The following TMEM59 variants were observed in gnomAD, a reference collection of about 807,000 sequenced individuals.
The protein encoded by TMEM59 is transmembrane protein 59.
A neutral mutation model predicts 42.2 loss-of-function variants in TMEM59; 44 were observed. That is an observed-to-expected ratio of 1.04 (90% confidence interval 0.82 to 1.34). TMEM59 has a LOEUF of 1.34. TMEM59 is among the 40% of genes most tolerant of loss of function. The pLI is 0.00. For missense variants in TMEM59, 359 were observed against 382.8 expected (o/e 0.94, Z 0.52); for synonymous variants, 148 against 145.8 (o/e 1.02, Z -0.11).
chr1:54,045,581 C>T, intron 3 of TMEM59, 111 bp downstream of exon 3: 1 of 1,086,822 alleles, frequency 9.2e-7, no homozygotes. Context: ...TGCTGAAAGC[C>T]AAATATAAAA....
rs1656770392 is a variant in TMEM59, at chr1:54,031,672, A to G, written c.*478T>C. ...AAATCAGATACTCAAATTTCAGCACATAATTATTCAAATAAAATTTTAATG... is the reference window on the plus strand; with the variant it reads ...AAATCAGATACTCAAATTTCAGCACGTAATTATTCAAATAAAATTTTAATG... On this transcript the variant is annotated 3_prime_UTR_variant, in exon 8 of 8. Coordinates refer to ENST00000234831, the MANE Select transcript of TMEM59 (RefSeq NM_004872.5). The G allele has an allele frequency of 6.5e-6, 1 of 152,764 alleles. No individual in the cohort carries two copies. 9.5% of individuals were successfully genotyped at this position (152,764 alleles called of 1,614,324 possible).
upstream of TMEM59, chr1:54,053,267 C>G: frequency 6.5e-7 from 1 of 1,530,354 alleles, no homozygotes; most frequent in Non-Finnish European, 8.8e-7. Flanking sequence ...GGGCCAGCCC[C>G]CTTCTCCGCC....
rs1313700715 is a variant in TMEM59, at chr1:54,029,524, G to A, written c.*2626C>T. ...ATTATGACTGTTTTATGGAAACAAG[G>A]AGCTAAGTAAAGTTAGGCACATCCA... On this transcript the variant is annotated 3_prime_UTR_variant, in exon 8 of 8. Coordinates refer to ENST00000234831, the MANE Select transcript of TMEM59 (RefSeq NM_004872.5). The A allele has an allele frequency of 1.3e-5, 2 of 152,138 alleles. No individual in the cohort carries two copies. The highest frequency in any genetic ancestry group is 2.9e-5 in the Non-Finnish European group (2 of 68,034). The allele number at this position is 152,138 out of a possible 1,614,324, so 9.4% of individuals were successfully genotyped here. A position where few individuals can be genotyped will look rare whatever the true frequency, so the allele number is the denominator to read the frequency against.
intron 1 of TMEM59, among the ~76,000 whole-genome samples, chr1:54,049,505 T>C (rs1657457319): frequency 6.6e-6 from 1 of 152,212 alleles, no homozygotes; most frequent in African/African-American, 2.4e-5. Flanking sequence ...CATATCTTTA[T>C]TCTAAGTATT....
chr1:54,043,405 G>A lies in TMEM59; in HGVS notation c.511C>T (p.Gln171Ter). The A allele has an allele frequency of 6.4e-7, 1 of 1,557,596 alleles. No homozygotes were observed. The highest frequency in any genetic ancestry group is 8.7e-7 in the Non-Finnish European group (1 of 1,154,542). ...ATAACTATTTTTCCGTCATCGGCTT[G>A]AAGATAAAAAGTCCATGAAGAGGTT... ...FITSSWTFYLQADDGKIVIFQ... is the reference protein window; with the variant it reads ...FITSSWTFYL The change falls in exon 4 of 8, where the codon CAA becomes TAA. Residue 171 changes from glutamine to a stop codon, truncating the protein, a stop_gained. Transcript: ENST00000234831. LOFTEE classifies it high-confidence loss of function.
Position 54,047,943 on chromosome 1 carries a change from G to A in TMEM59, c.190-571C>T, listed in dbSNP as rs190639256. 3 of 152,712 alleles carry A rather than the reference G, an allele frequency of 2.0e-5. No individual in the cohort carries two copies. In the East Asian group the frequency reaches 5.8e-4, roughly 29 times the overall value. 9.5% of individuals were successfully genotyped at this position (152,712 alleles called of 1,614,324 possible). Reference sequence around the variant, plus strand: ...TAATCACACCACTGTACTCCAGCTTGGGGTACAAAGTGAGACCCTGTTGCT... The same window carrying A: ...TAATCACACCACTGTACTCCAGCTTAGGGTACAAAGTGAGACCCTGTTGCT... On this transcript the variant is annotated intron_variant, in intron 1 of 7. Coordinates refer to ENST00000234831, the MANE Select transcript of TMEM59 (RefSeq NM_004872.5).
chr1:54,040,890 C>A, intron 5 of TMEM59, 53 bp from the exon 6 acceptor site: 1 of 1,371,836 alleles, frequency 7.3e-7, no homozygotes, highest in South Asian at 1.2e-5. Flanking sequence ...AAAAGCTAGT[C>A]TCACATGACT....
intron 7 of TMEM59, chr1:54,033,587 G>A (rs1386428394): frequency 1.5e-5 from 2 of 134,746 alleles, no homozygotes; most frequent in Non-Finnish European, 3.1e-5. Flanking sequence ...GGGGGACAGA[G>A]TGAGACTCTG....
Position 54,053,086 on chromosome 1 carries a change from C to A in TMEM59, c.103G>T (p.Ala35Ser), listed in dbSNP as rs1454740811. The A allele has an allele frequency of 6.2e-7, 1 of 1,614,266 alleles. No homozygotes were observed. Among genetic ancestry groups the A allele is most frequent in the Admixed American group, 1.7e-5 (1 of 60,034 alleles). ...ALAGGSGTAS[A>S]EAFDSVLGDT... The stretch of plus-strand genomic sequence containing the variant: ...CCCAAGACCGAGTCAAATGCTTCAG[C>A]CGAAGCGGTCCCCGAACCTCCGGCC... The change falls in exon 1 of 8, where the codon GCT becomes TCT. Residue 35 changes from alanine (A) to serine (S), a missense_variant. Physicochemically the swap from Ala to Ser is moderately conservative, Grantham distance 99. Coordinates refer to ENST00000234831, the MANE Select transcript of TMEM59 (RefSeq NM_004872.5).
rs1656619503 is a variant in TMEM59 at position 54,026,985 on chromosome 1, T to C, written c.*5165A>G. On this transcript the variant is annotated 3_prime_UTR_variant, in exon 8 of 8. Transcript: ENST00000234831. ...AAAACAAAATAATTTACTCTTAAAA[T>C]GACAAAAGTAAAATTAAGACAACCT... 1 of 152,194 alleles carries C rather than the reference T, an allele frequency of 6.6e-6. No homozygotes were observed. Among genetic ancestry groups the C allele is most frequent in the Non-Finnish European group, 1.5e-5 (1 of 68,022 alleles). The allele number at this position is 152,194 out of a possible 1,614,324, so 9.4% of individuals were successfully genotyped here.
rs566596613 is a variant in TMEM59 at position 54,041,600 on chromosome 1, A to G, written c.625+124T>C. ...AAACTGTAATACACATGAAAGTTTGAGAACCACTGTTTTAGAAATTATCTG... is the reference window on the plus strand; with the variant it reads ...AAACTGTAATACACATGAAAGTTTGGGAACCACTGTTTTAGAAATTATCTG... On this transcript the variant is annotated intron_variant, in intron 5 of 7. Transcript: ENST00000234831. 1,034 of 730,056 alleles carry G rather than the reference A, an allele frequency of 1.4e-3. 3 individuals are homozygous for G. Among genetic ancestry groups the G allele is most frequent in the Middle Eastern group, 2.0e-3 (5 of 2,534 alleles). 45.2% of individuals were successfully genotyped at this position (730,056 alleles called of 1,614,324 possible). A position where few individuals can be genotyped will look rare whatever the true frequency, so the allele number is the denominator to read the frequency against.
chr1:54,035,499 G>A (rs1467748114), intron 7 of TMEM59, among the ~76,000 whole-genome samples: 1 of 152,098 alleles, frequency 6.6e-6, no homozygotes, highest in East Asian at 1.9e-4. Context: ...TACCTTAACA[G>A]TTATATTTTT....
chr1:54,047,654 A>T (rs1449876622), intron 1 of TMEM59: 2 of 349,996 alleles, frequency 5.7e-6, no homozygotes, highest in South Asian at 3.0e-5. Flanking sequence ...GGGGGGAAAA[A>T]TTAAAAATAA....
intron 2 of TMEM59, among the ~76,000 whole-genome samples, chr1:54,046,830 GC>G (rs1469228963): frequency 6.6e-6 from 1 of 152,204 alleles, no homozygotes; most frequent in Non-Finnish European, 1.5e-5. Context: ...AAAGCCTCTG[GC>G]TACTTATTTT....
upstream of TMEM59, chr1:54,053,239 G>A: frequency 6.3e-7 from 1 of 1,595,186 alleles, no homozygotes; most frequent in South Asian, 1.1e-5. Flanking sequence ...TTCTCGGAAG[G>A]GTTTCCTCCT....
Position 54,027,351 on chromosome 1 carries a change from T to C in TMEM59, c.*4799A>G, listed in dbSNP as rs745779529. 1.3e-5 allele frequency: 2 copies of C among 152,236 alleles called. No individual in the cohort carries two copies. Among genetic ancestry groups the C allele is most frequent in the Non-Finnish European group, 2.9e-5 (2 of 68,048 alleles). 9.4% of individuals were successfully genotyped at this position (152,236 alleles called of 1,614,324 possible). ...TTCCTTTGCGATCCTTTATATTTAG[T>C]TTTATGCTTTGAAAACATTACTATG... On this transcript the variant is annotated 3_prime_UTR_variant, in exon 8 of 8. Transcript: ENST00000234831.
At chr1:54,044,888 T>A (rs749846775) in intron 3 of TMEM59, 1 of 152,230 alleles carries the variant, frequency 6.6e-6, no homozygotes, top group Non-Finnish European at 1.5e-5. Context: ...AAAATATATG[T>A]GTACATCCTT....
chr1:54,044,646 TA>T (rs1657267174), intron 3 of TMEM59: 1 of 150,806 alleles, frequency 6.6e-6, no homozygotes, highest in Admixed American at 6.7e-5. Context: ...CTAAAAAACA[TA>T]AAAATAAAAA....
chr1:54,032,437 T>C, intron 7 of TMEM59, 132 bp from the exon 8 acceptor site: 1 of 928,362 alleles, frequency 1.1e-6, no homozygotes, highest in Non-Finnish European at 1.5e-6. Context: ...GAAAGAAGAA[T>C]ACTTTTTCTC....
Sources: gnomAD v4.1 joint callset for allele counts (sites outside exome capture counted in the v4.1 genomes callset) on GRCh38, gnomAD v4.1.1 for gene constraint, MANE v1.5 for transcripts, NCBI Gene and HGNC (gene_info 2026-07-23, HGNC 2026-07-21) for gene names.